SGCD: variants seen among roughly 807,000 people sequenced by gnomAD.
The protein encoded by SGCD is sarcoglycan delta.
Under a neutral mutation model 36.6 loss-of-function variants are expected in SGCD, and 18 were observed. That is an observed-to-expected ratio of 0.49 (90% CI 0.34 to 0.73). The LOEUF (loss-of-function observed/expected upper bound fraction) is 0.73, where lower values mean the gene tolerates loss of function less well. Ranked by LOEUF, SGCD falls within the 30% of genes least tolerant of loss-of-function variation. The pLI, the probability that SGCD is intolerant of heterozygous loss-of-function variation, is 0.01. For synonymous variants in SGCD, 133 were observed against 130.6 expected (o/e 1.02, Z -0.12); for missense variants, 387 against 346.7 (o/e 1.12, Z -0.92).
chr5:156,101,277 C>G (rs927508515), intron 1 of SGCD, among the ~76,000 whole-genome samples: 6 of 152,186 alleles, frequency 3.9e-5, no homozygotes, highest in African/African-American at 1.2e-4. Context: ...CAAGAGCAGA[C>G]AGTGGGCTGG....
At chr5:156,481,306 G>A (rs761959733) in intron 3 of SGCD, among the ~76,000 whole-genome samples, 1 of 152,154 alleles carries the variant, frequency 6.6e-6, no homozygotes, top group Non-Finnish European at 1.5e-5. Context: ...ATTGGGGAAG[G>A]CTGGGAGATG....
chr5:156,620,614 A>AGAG lies in SGCD; in HGVS notation c.502+25564_502+25566dup, dbSNP rs1491390705. On this transcript the variant is annotated intron_variant, in intron 6 of 8. Transcript: ENST00000337851. ...AGGGGGAAGTGTAATGGATGGGGAC[A>AGAG]GAGTTTGACTTCGCAAGTGCAAGGG... 1.4e-4 allele frequency among the ~76,000 whole-genome samples: 21 copies of AGAG among 152,298 alleles called. 1 individual carries two copies. The highest frequency in any genetic ancestry group is 4.6e-4 in the African/African-American group (19 of 41,558).
intron 3 of SGCD, among the ~76,000 whole-genome samples, chr5:156,346,425 A>G (rs1768943338): frequency 6.6e-6 from 1 of 152,068 alleles, no homozygotes; most frequent in African/African-American, 2.4e-5. Context: ...CAATCCCTCA[A>G]GTAGATAGAA....
intron 1 of SGCD, among the ~76,000 whole-genome samples, chr5:155,960,132 T>C (rs1382544481): frequency 2.0e-5 from 3 of 152,018 alleles, no homozygotes; most frequent in Non-Finnish European, 4.4e-5. Context: ...TCCTTTTTCT[T>C]CTCCCTCCCC....
intron 1 of SGCD, among the ~76,000 whole-genome samples, chr5:156,041,651 C>T (rs1000637428): frequency 3.3e-5 from 5 of 152,254 alleles, no homozygotes; most frequent in African/African-American, 9.6e-5. Context: ...GTGAAAGATA[C>T]ACACTTGAAG....
chr5:156,107,004 C>A (rs1455263670), intron 1 of SGCD, among the ~76,000 whole-genome samples: 1 of 152,118 alleles, frequency 6.6e-6, no homozygotes, highest in African/African-American at 2.4e-5. Flanking sequence ...TATCTCTTCC[C>A]CTTGACATTT....
chr5:156,150,827 C>T (rs968233382), intron 3 of SGCD, among the ~76,000 whole-genome samples: 3 of 151,472 alleles, frequency 2.0e-5, no homozygotes, highest in Non-Finnish European at 4.4e-5. Context: ...TATTTTTCCT[C>T]AAAGCTGCTC....
At chr5:155,950,576 G>A (rs777262019) in intron 1 of SGCD, among the ~76,000 whole-genome samples, 22 of 152,144 alleles carry the variant, frequency 1.4e-4, no homozygotes, top group Middle Eastern at 3.2e-3. Flanking sequence ...AAATGGATGG[G>A]AAATTTCAGA....
At chr5:156,272,758 A>G (rs1355889058) in intron 3 of SGCD, among the ~76,000 whole-genome samples, 1 of 152,196 alleles carries the variant, frequency 6.6e-6, no homozygotes, top group Non-Finnish European at 1.5e-5. Context: ...ACATAACACC[A>G]GTTATCTTTT....
chr5:155,815,713 C>T, the SGCD span, among the ~76,000 whole-genome samples: 2 of 152,070 alleles, frequency 1.3e-5, no homozygotes, highest in African/African-American at 4.8e-5. Context: ...TTTAAACAAC[C>T]AGGTCTCATG....
intron 1 of SGCD, among the ~76,000 whole-genome samples, chr5:155,921,983 G>C (rs752590782): frequency 6.6e-6 from 1 of 152,212 alleles, no homozygotes; most frequent in Non-Finnish European, 1.5e-5. Flanking sequence ...AAGGGCAGTG[G>C]ACTTGCACTT....
intron 6 of SGCD, among the ~76,000 whole-genome samples, chr5:156,602,400 C>A (rs1253082475): frequency 6.6e-6 from 1 of 151,758 alleles, no homozygotes; most frequent in Admixed American, 6.6e-5. Flanking sequence ...AAAATCTTAT[C>A]ATCTGCAAAC....
chr5:156,626,949 C>T (rs1391527897), intron 6 of SGCD, among the ~76,000 whole-genome samples: 1 of 152,196 alleles, frequency 6.6e-6, no homozygotes, highest in Non-Finnish European at 1.5e-5. Context: ...TTGTAGACCA[C>T]TACAGTAACA....
chr5:156,091,040 T>C (rs1761229367), intron 1 of SGCD, among the ~76,000 whole-genome samples: 1 of 152,218 alleles, frequency 6.6e-6, no homozygotes, highest in South Asian at 2.1e-4. Context: ...GCAAACAATT[T>C]GTACAGTTAA....
intron 4 of SGCD, among the ~76,000 whole-genome samples, chr5:156,578,309 A>G (rs372811177): frequency 4.6e-5 from 7 of 152,014 alleles, no homozygotes; most frequent in Non-Finnish European, 1.0e-4. Flanking sequence ...GCTGGATTCG[A>G]TTTGCCAGTA....
At chr5:156,530,442 T>C (rs1172185662) in intron 4 of SGCD, among the ~76,000 whole-genome samples, 1 of 152,264 alleles carries the variant, frequency 6.6e-6, no homozygotes, top group Non-Finnish European at 1.5e-5. Flanking sequence ...TGACTTCAGT[T>C]GCTAACAAGC....
chr5:156,426,274 G>T (rs377061780), intron 3 of SGCD, among the ~76,000 whole-genome samples: 2 of 151,844 alleles, frequency 1.3e-5, no homozygotes, highest in South Asian at 4.1e-4. Flanking sequence ...CTCTAAGCTG[G>T]AGGAGTAAGG....
At chr5:156,078,523 ATAT>A (rs1760855363) in intron 1 of SGCD, among the ~76,000 whole-genome samples, 3 of 121,072 alleles carry the variant, frequency 2.5e-5, no homozygotes, top group African/African-American at 1.4e-4. Context: ...AAAAAAAAAT[ATAT>A]ATATATATAT....
intron 3 of SGCD, among the ~76,000 whole-genome samples, chr5:156,284,462 AG>A (rs1171193042): frequency 1.3e-5 from 2 of 152,184 alleles, no homozygotes; most frequent in African/African-American, 4.8e-5. Flanking sequence ...CACATCAAAA[AG>A]CTTATCCAAC....
Sources: allele counts gnomAD v4.1 joint callset (sites outside exome capture counted in the v4.1 genomes callset), GRCh38; gene constraint gnomAD v4.1.1; transcripts MANE v1.5; gene names NCBI Gene and HGNC (gene_info 2026-07-23, HGNC 2026-07-21).